Variants in FRMPD4 observed in about 807,000 individuals in gnomAD.
The protein encoded by FRMPD4 is FERM and PDZ domain-containing protein 4.
A neutral mutation model predicts 94.1 loss-of-function variants in FRMPD4; 22 were observed. The observed-to-expected ratio is 0.23, with a 90% CI of 0.17 to 0.33. The LOEUF (loss-of-function observed/expected upper bound fraction) is 0.33. Among genes scored for constraint, FRMPD4 ranks in the 10% least tolerant of loss-of-function variants. FRMPD4 has a pLI of 1.00. For missense variants in FRMPD4, 1,111 were observed against 1,339.9 expected (o/e 0.83, Z 2.67); for synonymous variants, 631 against 548.6 (o/e 1.15, Z -2.10).
intron 4 of FRMPD4, among the ~76,000 whole-genome samples, chrX:12,637,978 C>T (rs1053735601): frequency 9.0e-6 from 1 of 111,599 alleles, no homozygotes; most frequent in Non-Finnish European, 1.9e-5. Context: ...GAAGTATACA[C>T]GCTTTGTTCT....
chrX:12,620,509 G>C (rs1193922145), intron 4 of FRMPD4, among the ~76,000 whole-genome samples: 2 of 112,301 alleles, frequency 1.8e-5, no homozygotes, highest in African/African-American at 6.5e-5. Context: ...ACAATGATCT[G>C]TGTACCTAGT....
Position 12,674,771 on chromosome X carries a change from G to T in FRMPD4, c.423-92G>T, listed in dbSNP as rs185540932. ...GGGAGTCCAGGGAGCATTCACTAACGCATCACACATTTTGTTTTGAAAGAA... is the reference window on the plus strand; with the variant it reads ...GGGAGTCCAGGGAGCATTCACTAACTCATCACACATTTTGTTTTGAAAGAA... On this transcript the variant is annotated intron_variant, in intron 4 of 16. Coordinates refer to ENST00000675598, the MANE Select transcript of FRMPD4 (RefSeq NM_001368397.1). 47 of 615,505 alleles carry T rather than the reference G, an allele frequency of 7.6e-5. No individual in the cohort carries two copies. In the African/African-American group the frequency reaches 9.3e-4, roughly 12 times the overall value. The allele number at this position is 615,505 out of a possible 1,213,427, so 50.7% of individuals were successfully genotyped here.
chrX:11,880,143 C>G lies in FRMPD4; in HGVS notation c.95+2125C>G, dbSNP rs1200755756. On this transcript the variant is annotated intron_variant, in intron 3 of 18. Transcript: ENST00000640291. Reference sequence around the variant, plus strand: ...AGCAGGTACATGGAATGGTTAGGACCGTGTTTTCTGAAACCAGCTTGATCT... The same window carrying G: ...AGCAGGTACATGGAATGGTTAGGACGGTGTTTTCTGAAACCAGCTTGATCT... 2.7e-5 allele frequency among the ~76,000 whole-genome samples: 3 copies of G among 110,968 alleles called. No individual in the cohort carries two copies. In the Admixed American group the frequency reaches 2.9e-4, roughly 11 times the overall value.
intron 1 of FRMPD4, among the ~76,000 whole-genome samples, chrX:12,203,955 C>G (rs1443125497): frequency 8.9e-6 from 1 of 112,349 alleles, no homozygotes; most frequent in African/African-American, 3.2e-5. Context: ...ATCTATTTAG[C>G]CTTTTCTTTG....
intron 2 of FRMPD4, chrX:12,583,563 A>C (rs2058891077): frequency 1.3e-5 from 10 of 794,804 alleles, no homozygotes; most frequent in Non-Finnish European, 1.5e-5. Context: ...GCTCCAGCGC[A>C]AGCCAGGCCT....
At chrX:11,840,662 A>C (rs2053529386) in intron 1 of FRMPD4, among the ~76,000 whole-genome samples, 1 of 109,864 alleles carries the variant, frequency 9.1e-6, no homozygotes, top group South Asian at 3.9e-4. Flanking sequence ...TCTAAGTATG[A>C]TGGTAGCTAT....
upstream of FRMPD4, among the ~76,000 whole-genome samples, chrX:12,134,364 C>T (rs1333488154): frequency 8.9e-6 from 1 of 112,568 alleles, no homozygotes; most frequent in Non-Finnish European, 1.9e-5. Context: ...GTTGCCTAGT[C>T]TATTTCCCAG....
chrX:12,316,178 GT>G (rs2055111742), intron 1 of FRMPD4, among the ~76,000 whole-genome samples: 1 of 111,230 alleles, frequency 9.0e-6, no homozygotes, highest in African/African-American at 3.3e-5. Context: ...AGACAGTCTC[GT>G]TCTGTTGCCC....
At chrX:12,448,262 G>A (rs915017437) in intron 1 of FRMPD4, among the ~76,000 whole-genome samples, 6 of 111,393 alleles carry the variant, frequency 5.4e-5, no homozygotes, top group African/African-American at 1.6e-4. Flanking sequence ...TCCTTTTAAC[G>A]GTAACTACAT....
intron 3 of FRMPD4, among the ~76,000 whole-genome samples, chrX:11,969,783 A>G (rs1357908372): frequency 8.9e-6 from 1 of 111,814 alleles, no homozygotes; most frequent in Non-Finnish European, 1.9e-5. Flanking sequence ...AATATGTAAG[A>G]CACATGTGCA....
chrX:12,509,676 A>G (rs2058023578), intron 2 of FRMPD4, among the ~76,000 whole-genome samples: 1 of 111,106 alleles, frequency 9.0e-6, no homozygotes, highest in Non-Finnish European at 1.9e-5. Context: ...CTCACAAATC[A>G]CCACTAAAGA....
At chrX:11,880,363 G>T (rs904812335) in intron 3 of FRMPD4, among the ~76,000 whole-genome samples, 42 of 111,850 alleles carry the variant, frequency 3.8e-4, no homozygotes, top group Middle Eastern at 4.6e-3. Flanking sequence ...TATTGATGAT[G>T]ATAACTAGAT....
intron 3 of FRMPD4, among the ~76,000 whole-genome samples, chrX:11,952,403 C>T (rs1031955462): frequency 1.8e-5 from 2 of 112,070 alleles, no homozygotes; most frequent in Non-Finnish European, 3.8e-5. Context: ...TGAGGAAAGT[C>T]ATGTTTATCA....
At chrX:12,571,487 A>C (rs1444891767) in intron 2 of FRMPD4, among the ~76,000 whole-genome samples, 2 of 112,248 alleles carry the variant, frequency 1.8e-5, no homozygotes, top group Non-Finnish European at 3.8e-5. Context: ...CAGGCTTTCT[A>C]TCTTGATTAA....
intron 1 of FRMPD4, among the ~76,000 whole-genome samples, chrX:11,822,724 C>T (rs1040237963): frequency 8.9e-6 from 1 of 111,934 alleles, no homozygotes; most frequent in African/African-American, 3.2e-5. Flanking sequence ...AGGTGAGTGT[C>T]AGGCATGCCC....
intron 1 of FRMPD4, among the ~76,000 whole-genome samples, chrX:12,420,367 T>C (rs1460234799): frequency 8.9e-6 from 1 of 112,109 alleles, no homozygotes; most frequent in African/African-American, 3.2e-5. Flanking sequence ...ACTGGCTCTT[T>C]TCTAGCCTGT....
rs753789400 is a variant in FRMPD4 at position 11,852,545 on chromosome X, G to A, written c.-160-12541G>A. Reference sequence around the variant, plus strand: ...ACTTGATGTGTCACCCAGTCTATATGCTATCCTGTAGAATTCTCTGTGTGT... The same window carrying A: ...ACTTGATGTGTCACCCAGTCTATATACTATCCTGTAGAATTCTCTGTGTGT... On this transcript the variant is annotated intron_variant, in intron 1 of 18. Transcript: ENST00000640291. 2.7e-5 allele frequency among the ~76,000 whole-genome samples: 3 copies of A among 110,372 alleles called. No individual in the cohort carries two copies. In the South Asian group the frequency reaches 1.2e-3, roughly 42 times the overall value.
chrX:11,910,670 C>A (rs1322724746), intron 3 of FRMPD4, among the ~76,000 whole-genome samples: 1 of 111,685 alleles, frequency 9.0e-6, no homozygotes, highest in Non-Finnish European at 1.9e-5. Flanking sequence ...CTTGCCTTGG[C>A]CTCCCAAAGT....
chrX:12,630,588 TG>T (rs1185057161), intron 4 of FRMPD4, among the ~76,000 whole-genome samples: 1 of 111,827 alleles, frequency 8.9e-6, no homozygotes, highest in African/African-American at 3.3e-5. Context: ...TTTCAGAAAG[TG>T]GACAGATAGG....
Sources: gnomAD v4.1 joint callset for allele counts (sites outside exome capture counted in the v4.1 genomes callset) on GRCh38, gnomAD v4.1.1 for gene constraint, MANE v1.5 for transcripts, NCBI Gene and HGNC (gene_info 2026-07-23, HGNC 2026-07-21) for gene names.